The following CCSER1 variants were observed in gnomAD, a reference collection of about 807,000 sequenced individuals.
The protein encoded by CCSER1 is serine-rich coiled-coil domain-containing protein 1.
In CCSER1, 41 loss-of-function variants were observed where a neutral mutation model predicts 82.0. That is an observed-to-expected ratio of 0.50 (90% CI 0.39 to 0.65). The LOEUF is 0.65. CCSER1 is among the 30% of genes least tolerant of loss of function. The pLI, the probability that CCSER1 is intolerant of heterozygous loss-of-function variation, is 0.00. For missense variants in CCSER1, 1,119 were observed against 1,064.2 expected (o/e 1.05, Z -0.72); for synonymous variants, 414 against 383.9 (o/e 1.08, Z -0.92).
At chr4:90,841,596 A>AAAG (rs1182842126) in intron 8 of CCSER1, among the ~76,000 whole-genome samples, 21 of 151,440 alleles carry the variant, frequency 1.4e-4, no homozygotes, top group Admixed American at 2.6e-4. Flanking sequence ...AAAAAAAAAA[A>AAAG]AAGAAGAAGA....
At chr4:91,485,319 A>T (rs1293021145) in intron 10 of CCSER1, among the ~76,000 whole-genome samples, 1 of 152,188 alleles carries the variant, frequency 6.6e-6, no homozygotes, top group Non-Finnish European at 1.5e-5. Context: ...GTCGGGGAAA[A>T]TATTTTAATT....
intron 5 of CCSER1, among the ~76,000 whole-genome samples, chr4:90,574,960 A>G (rs1389187015): frequency 6.6e-6 from 1 of 152,148 alleles, no homozygotes; most frequent in Non-Finnish European, 1.5e-5. Flanking sequence ...AAATTTGCTC[A>G]TTTAGAATTT....
intron 7 of CCSER1, among the ~76,000 whole-genome samples, chr4:90,732,630 A>G (rs1744957611): frequency 6.6e-6 from 1 of 152,188 alleles, no homozygotes; most frequent in Admixed American, 6.5e-5. Flanking sequence ...ATATGTATGT[A>G]GGACTCTGGT....
chr4:90,168,027 C>G (rs1212676473), intron 1 of CCSER1, among the ~76,000 whole-genome samples: 2 of 151,882 alleles, frequency 1.3e-5, no homozygotes, highest in Non-Finnish European at 2.9e-5. Context: ...ATTTCTAGTT[C>G]TAGATCCCTG....
At chr4:90,266,400 C>T (rs1172148277) in intron 1 of CCSER1, among the ~76,000 whole-genome samples, 1 of 151,674 alleles carries the variant, frequency 6.6e-6, no homozygotes, top group African/African-American at 2.4e-5. Context: ...TCTATATAGT[C>T]CAGAGCATAT....
rs1382126032 is a variant in CCSER1, at chr4:91,013,906, C to T, written c.2173-72044C>T. On this transcript the variant is annotated intron_variant, in intron 9 of 10. Transcript: ENST00000509176. Reference sequence around the variant, plus strand: ...AAAGTGCTGGGATTACAGATGTGAGCCACCGCTCCGGGCACACTTTTTTGT... The same window carrying T: ...AAAGTGCTGGGATTACAGATGTGAGTCACCGCTCCGGGCACACTTTTTTGT... 6.9e-5 allele frequency among the ~76,000 whole-genome samples: 9 copies of T among 131,260 alleles called. 1 individual carries two copies. Among genetic ancestry groups the T allele is most frequent in the Admixed American group, 1.5e-4 (2 of 13,054 alleles). The allele number at this position is 131,260 out of a possible 152,430, so 86.1% of individuals were successfully genotyped here. A position where few individuals can be genotyped will look rare whatever the true frequency, so the allele number is the denominator to read the frequency against.
intron 8 of CCSER1, among the ~76,000 whole-genome samples, chr4:90,842,819 G>A (rs1444299496): frequency 6.6e-6 from 1 of 152,128 alleles, no homozygotes; most frequent in Non-Finnish European, 1.5e-5. Context: ...ATTCTGGTTT[G>A]TCCAAGACAA....
At chr4:90,572,573 G>T (rs570102771) in intron 5 of CCSER1, among the ~76,000 whole-genome samples, 1 of 150,412 alleles carries the variant, frequency 6.6e-6, no homozygotes, top group Non-Finnish European at 1.5e-5. Context: ...TTGAGCGCAC[G>T]TTATTATTAT....
intron 1 of CCSER1, among the ~76,000 whole-genome samples, chr4:90,260,638 A>T (rs550721595): frequency 6.6e-6 from 1 of 152,258 alleles, no homozygotes; most frequent in Non-Finnish European, 1.5e-5. Context: ...CCTTGAGTTT[A>T]TGTGAATGCT....
intron 7 of CCSER1, among the ~76,000 whole-genome samples, chr4:90,778,405 G>C (rs1244249310): frequency 6.6e-6 from 1 of 151,944 alleles, no homozygotes; most frequent in Admixed American, 6.6e-5. Context: ...TGAGTGCATG[G>C]ATAGATGTAT....
chr4:91,045,427 T>C (rs543241016), intron 9 of CCSER1, among the ~76,000 whole-genome samples: 2 of 152,296 alleles, frequency 1.3e-5, no homozygotes, highest in South Asian at 4.1e-4. Flanking sequence ...ATTAGGTTTC[T>C]GTTTTTACAA....
intron 5 of CCSER1, among the ~76,000 whole-genome samples, chr4:90,545,970 A>G (rs958031015): frequency 6.6e-6 from 1 of 152,140 alleles, no homozygotes; most frequent in Non-Finnish European, 1.5e-5. Context: ...CAATAGGTAA[A>G]ATAAATACAG....
rs114986100 is a variant in CCSER1, at chr4:91,573,554, A to T, written c.2218-25018A>T. The stretch of plus-strand genomic sequence containing the variant: ...GGTTCACAAGGAGATCTCCTGACCC[A>T]AGGATTGCAAAGATCCATAGGAGAA... On this transcript the variant is annotated intron_variant, in intron 10 of 10. Coordinates refer to ENST00000509176, the MANE Select transcript of CCSER1 (RefSeq NM_001145065.2). Among the ~76,000 whole-genome samples, 412 of 152,298 alleles carry T rather than the reference A, an allele frequency of 2.7e-3. 1 individual carries two copies. Among genetic ancestry groups the T allele is most frequent in the African/African-American group, 9.5e-3 (393 of 41,572 alleles).
chr4:90,651,309 CTAGA>C (rs1243650769), intron 6 of CCSER1, among the ~76,000 whole-genome samples: 4 of 152,048 alleles, frequency 2.6e-5, no homozygotes, highest in Non-Finnish European at 2.9e-5. Flanking sequence ...CAGTGATAGA[CTAGA>C]TAAAGAAAAT....
At chr4:90,155,314 C>G (rs989801119) in intron 1 of CCSER1, among the ~76,000 whole-genome samples, 3 of 152,074 alleles carry the variant, frequency 2.0e-5, no homozygotes, top group African/African-American at 7.2e-5. Flanking sequence ...CATCAATGTT[C>G]ATCAAGGATA....
intron 8 of CCSER1, among the ~76,000 whole-genome samples, chr4:90,889,900 G>A (rs1722713706): frequency 6.6e-6 from 1 of 152,106 alleles, no homozygotes; most frequent in Non-Finnish European, 1.5e-5. Flanking sequence ...AATAAAGTAT[G>A]AAAAGTAGAT....
At chr4:90,142,246 C>A (rs1374627567) in intron 1 of CCSER1, among the ~76,000 whole-genome samples, 1 of 152,210 alleles carries the variant, frequency 6.6e-6, no homozygotes, top group Non-Finnish European at 1.5e-5. Context: ...ACACACAAAG[C>A]ATATGCATTT....
intron 9 of CCSER1, among the ~76,000 whole-genome samples, chr4:91,085,231 T>G (rs1471151501): frequency 1.3e-5 from 2 of 152,072 alleles, no homozygotes; most frequent in Admixed American, 6.6e-5. Flanking sequence ...ATACTTTGAC[T>G]TTAATCAAAA....
At chr4:91,188,094 T>G (rs1161747899) in intron 10 of CCSER1, among the ~76,000 whole-genome samples, 3 of 151,942 alleles carry the variant, frequency 2.0e-5, no homozygotes, top group Non-Finnish European at 4.4e-5. Context: ...TAAATAATAT[T>G]TATAAAAATT....
Sources: allele counts gnomAD v4.1 joint callset (sites outside exome capture counted in the v4.1 genomes callset), GRCh38; gene constraint gnomAD v4.1.1; transcripts MANE v1.5; gene names NCBI Gene and HGNC (gene_info 2026-07-23, HGNC 2026-07-21).